The following PCGF2 variants were observed in gnomAD, a reference collection of about 807,000 sequenced individuals.
The protein encoded by PCGF2 is polycomb group RING finger protein 2.
In PCGF2, 8 loss-of-function variants were observed where a neutral mutation model predicts 36.1. That is an observed-to-expected ratio of 0.22 (90% CI 0.13 to 0.40). The LOEUF is 0.40. PCGF2 is among the 10% of genes least tolerant of loss of function. The probability of loss-of-function intolerance (pLI) is 1.00; values close to 1 mark genes in which losing one functional copy is unlikely to be tolerated. For missense variants in PCGF2, 436 were observed against 475.9 expected, an observed-to-expected ratio of 0.92 and a Z score of 0.78; for synonymous variants, 198 against 191.2, an observed-to-expected ratio of 1.04 and a Z score of -0.29.
At position 38,735,161 on chromosome 17, in the gene PCGF2, G is replaced by C; in HGVS notation, c.*62C>G. ...GGAAAGTAGAAGAGGTGGAAAAAAG[G>C]GCCCAGAAAAAGTGGAAGGAGTGGA... On this transcript the variant is annotated 3_prime_UTR_variant, in exon 11 of 11. Transcript: ENST00000620225. 7.9e-7 allele frequency: 1 copy of C among 1,261,250 alleles called. No homozygotes were observed. Among genetic ancestry groups the C allele is most frequent in the Non-Finnish European group, 1.0e-6 (1 of 978,676 alleles). 78.1% of individuals were successfully genotyped at this position (1,261,250 alleles called of 1,614,324 possible).
intron 2 of PCGF2, among the ~76,000 whole-genome samples, chr17:38,741,521 C>G (rs779899958): frequency 6.6e-6 from 1 of 152,142 alleles, no homozygotes; most frequent in Non-Finnish European, 1.5e-5. Context: ...CACTCCTCCT[C>G]CAGGAAGTCT....
At chr17:38,748,961 C>T (rs1245631473), upstream of PCGF2, among the ~76,000 whole-genome samples, 1 of 152,086 alleles carries the variant, frequency 6.6e-6, no homozygotes, top group Non-Finnish European at 1.5e-5. Flanking sequence ...AGGATCCAGC[C>T]TGGGCGCCTG....
chr17:38,739,597 C>T lies in PCGF2; in HGVS notation c.198G>A (p.Leu66=). Residue 66 remains leucine, a synonymous_variant, in exon 4 of 11, where the codon CTG becomes CTA. Coordinates refer to ENST00000620225, the MANE Select transcript of PCGF2 (RefSeq NM_007144.3). This position sits in a 1 kb window ranked among gnomAD's most constrained non-coding sequence, Gnocchi z 4.0. ...CGTGCCAAGCCCACCTGATGCTCAGCAGCGGCCGGGTTTTATGGACCTGCA... is the reference window on the plus strand; with the variant it reads ...CGTGCCAAGCCCACCTGATGCTCAGTAGCGGCCGGGTTTTATGGACCTGCA... ...CDVQVHKTRP[L]LSIRSDKTLQ... is the part of the protein sequence containing the mutation. The T allele has an allele frequency of 6.2e-7, 1 of 1,613,368 alleles. No individual in the cohort carries two copies. The highest frequency in any genetic ancestry group is 8.5e-7 in the Non-Finnish European group (1 of 1,179,334).
intron 2 of PCGF2, chr17:38,746,553 TG>T (rs1355996688): frequency 6.6e-6 from 1 of 152,508 alleles, no homozygotes; most frequent in Non-Finnish European, 1.5e-5. Context: ...AAGTCCGCTC[TG>T]GGGACCAGAG....
At chr17:38,737,075 C>T (rs1241239508) in intron 9 of PCGF2, among the ~76,000 whole-genome samples, 2 of 151,996 alleles carry the variant, frequency 1.3e-5, no homozygotes, top group African/African-American at 4.8e-5. Flanking sequence ...GCAGAGGTTG[C>T]GGTGAGCCAA....
In PCGF2 at chr17:38,734,482, A is replaced by T. The variant is rs1906516514; in HGVS notation, c.*741T>A. Reference sequence around the variant, plus strand: ...AGAGCTGAGACCTCTCAGGGCCTGAATCTTCTTTTCCACAAGATAAATGAT... The same window carrying T: ...AGAGCTGAGACCTCTCAGGGCCTGATTCTTCTTTTCCACAAGATAAATGAT... On this transcript the variant is annotated 3_prime_UTR_variant, in exon 11 of 11. Coordinates refer to ENST00000620225, the MANE Select transcript of PCGF2 (RefSeq NM_007144.3). 1 of 151,798 alleles carries T rather than the reference A, an allele frequency of 6.6e-6. No individual in the cohort carries two copies. Among genetic ancestry groups the T allele is most frequent in the Admixed American group, 6.6e-5 (1 of 15,222 alleles). The allele number at this position is 151,798 out of a possible 1,614,324, so 9.4% of individuals were successfully genotyped here.
rs1907014619 is a variant in PCGF2 at position 38,739,319 on chromosome 17, C to G, written c.210-66G>C. ...CAGAGCGCTCCGACCTCGCCCTGCT[C>G]TCCCAGCCAGGGTACCCCTCTTCCC... is the stretch of plus-strand genomic sequence containing the variant. On this transcript the variant is annotated intron_variant, in intron 4 of 10. Coordinates refer to ENST00000620225, the MANE Select transcript of PCGF2 (RefSeq NM_007144.3). This position sits in a 1 kb window ranked among gnomAD's most constrained non-coding sequence, Gnocchi z 4.0. 1 of 1,438,860 alleles carries G rather than the reference C, an allele frequency of 6.9e-7. No homozygotes were observed. 89.1% of individuals were successfully genotyped at this position (1,438,860 alleles called of 1,614,324 possible).
chr17:38,739,709 A>C lies in PCGF2; in HGVS notation c.113-27T>G, dbSNP rs1907047293. 1.9e-6 allele frequency: 3 copies of C among 1,565,144 alleles called. No individual in the cohort carries two copies. The highest frequency in any genetic ancestry group is 2.6e-6 in the Non-Finnish European group (3 of 1,135,612). ...TTGGGGGTGTGGAGAGAGAGAGGAG[A>C]GTCAGAGCCAACTTCCAACTCCAGG... On this transcript the variant is annotated intron_variant, in intron 3 of 10. Coordinates refer to ENST00000620225, the MANE Select transcript of PCGF2 (RefSeq NM_007144.3). The surrounding 1 kb of genome is among the most constrained non-coding windows in gnomAD (Gnocchi z 4.0).
In PCGF2 at chr17:38,738,791, C is replaced by T; in HGVS notation, c.387G>A (p.Glu129=). The part of the protein sequence containing the change: ...EQEKGALSDD[E]IVSLSIEFYE... ...AGAATTCGATGGAGAGGCTGACAAT[C>T]TCATCATCACTCAGAGCCCCCTTCT... is the stretch of plus-strand genomic sequence containing the variant. Residue 129 remains glutamate (E), a synonymous_variant, in exon 7 of 11, where the codon GAG becomes GAA. Coordinates refer to ENST00000620225, the MANE Select transcript of PCGF2 (RefSeq NM_007144.3). 6 of 1,614,132 alleles carry T rather than the reference C, an allele frequency of 3.7e-6. No homozygotes were observed. Among genetic ancestry groups the T allele is most frequent in the Non-Finnish European group, 5.1e-6 (6 of 1,179,976 alleles).
chr17:38,738,620 TAGGAAGACCC>T (rs746451644), intron 7 of PCGF2, 25 bp from the exon 8 acceptor site: 84 of 1,567,144 alleles, frequency 5.4e-5, no homozygotes, highest in African/African-American at 8.2e-5. Flanking sequence ...AGAATGAAGC[TAGGAAGACCC>T]AGGAAGAACC....
upstream of PCGF2, chr17:38,749,659 G>A (rs537377034): frequency 1.8e-4 from 81 of 456,068 alleles, no homozygotes; most frequent in African/African-American, 1.4e-3. This position sits in a 1 kb window ranked among gnomAD's most constrained non-coding sequence, Gnocchi z 6.5. Context: ...AGGAATCTTC[G>A]CCCAGTTTTG....
At chr17:38,737,154 C>CA (rs1246915820) in intron 9 of PCGF2, among the ~76,000 whole-genome samples, 1 of 150,702 alleles carries the variant, frequency 6.6e-6, no homozygotes, top group Non-Finnish European at 1.5e-5. Context: ...AACAAACAAA[C>CA]AAAAAACCAA....
rs913583874 is a variant in PCGF2, at chr17:38,748,314, G to T, written c.-252C>A. 7.3e-6 allele frequency: 1 copy of T among 136,280 alleles called. No homozygotes were observed. The highest frequency in any genetic ancestry group is 7.5e-5 in the Admixed American group (1 of 13,338). 8.4% of individuals were successfully genotyped at this position (136,280 alleles called of 1,614,324 possible). A position where few individuals can be genotyped will look rare whatever the true frequency, so the allele number is the denominator to read the frequency against. ...GGCGGCGGGAGGGGAGAAACCTACG[G>T]TAAGAAAGGAGTTTGTGAAAGCGGC... On this transcript the variant is annotated 5_prime_UTR_variant, in exon 1 of 11. Coordinates refer to ENST00000620225, the MANE Select transcript of PCGF2 (RefSeq NM_007144.3).
chr17:38,737,464 CAAAA>C (rs1237349671), intron 9 of PCGF2, among the ~76,000 whole-genome samples: 1 of 151,966 alleles, frequency 6.6e-6, no homozygotes, highest in Non-Finnish European at 1.5e-5. Context: ...ACAAAAAAAG[CAAAA>C]ACAAAAAATC....
chr17:38,737,984 G>C (rs927007908), intron 9 of PCGF2, among the ~76,000 whole-genome samples: 2 of 151,888 alleles, frequency 1.3e-5, no homozygotes, highest in African/African-American at 2.4e-5. Context: ...AGATCTCCAG[G>C]GGACACATAT....
At chr17:38,740,115 C>T (rs1267143407) in intron 3 of PCGF2, among the ~76,000 whole-genome samples, 176 bp downstream of exon 3, 2 of 152,232 alleles carry the variant, frequency 1.3e-5, no homozygotes, top group Non-Finnish European at 2.9e-5. Context: ...GCTGATGCCC[C>T]GCGCCCAGTC....
chr17:38,741,809 T>C (rs1275782011), intron 2 of PCGF2, among the ~76,000 whole-genome samples: 1 of 152,190 alleles, frequency 6.6e-6, no homozygotes, highest in Non-Finnish European at 1.5e-5. Context: ...AAAAAGGCTA[T>C]ACCCCTGCCA....
chr17:38,736,965 TCTACTAAAAAAA>T (rs1024523442), intron 9 of PCGF2, among the ~76,000 whole-genome samples: 4 of 150,006 alleles, frequency 2.7e-5, no homozygotes, highest in African/African-American at 9.9e-5. Flanking sequence ...AAACCCCGTC[TCTACTAAAAAAA>T]CAGAATTAGC....
chr17:38,738,685 G>GGT lies in PCGF2; in HGVS notation c.425+66_425+67dup. 2.6e-6 allele frequency: 4 copies of GGT among 1,559,302 alleles called. No individual in the cohort carries two copies. In the South Asian group the frequency reaches 3.3e-5, roughly 13 times the overall value. On this transcript the variant is annotated intron_variant, in intron 7 of 10. Coordinates refer to ENST00000620225, the MANE Select transcript of PCGF2 (RefSeq NM_007144.3). Reference sequence around the variant, plus strand: ...TCCCTCAATGGACACATCCAGAGAGGGTCCTGGGTGGGAGAAGGGGTTACC... The same window carrying GGT: ...TCCCTCAATGGACACATCCAGAGAGGGTGTCCTGGGTGGGAGAAGGGGTTACC...
Sources: gnomAD v4.1 joint callset for allele counts (sites outside exome capture counted in the v4.1 genomes callset) on GRCh38, gnomAD v4.1.1 for gene constraint, Gnocchi (gnomAD v3.1) non-coding constraint, MANE v1.5 for transcripts, NCBI Gene and HGNC (gene_info 2026-07-23, HGNC 2026-07-21) for gene names.